CALN1: variants seen among roughly 807,000 people sequenced by gnomAD.
CALN1 encodes the protein calcium-binding protein 8.
In CALN1, 17 loss-of-function variants were observed where a neutral mutation model predicts 30.6. The observed-to-expected ratio is 0.56, with a 90% confidence interval of 0.38 to 0.83. The LOEUF is 0.83. Among genes scored for constraint, CALN1 ranks in the 40% least tolerant of loss-of-function variants. The pLI is 0.00. For synonymous variants in CALN1, 156 were observed against 131.4 expected, an observed-to-expected ratio of 1.19 and a Z score of -1.28; for missense variants, 291 against 354.9, an observed-to-expected ratio of 0.82 and a Z score of 1.45.
intron 5 of CALN1, among the ~76,000 whole-genome samples, chr7:71,982,063 T>C (rs1277973446): frequency 6.6e-6 from 1 of 152,184 alleles, no homozygotes; most frequent in African/African-American, 2.4e-5. Context: ...ACTTCTAGCT[T>C]TCTCTCTTAG....
intron 5 of CALN1, among the ~76,000 whole-genome samples, chr7:71,861,220 A>C (rs1376141034): frequency 1.3e-5 from 2 of 152,084 alleles, no homozygotes; most frequent in African/African-American, 4.8e-5. Flanking sequence ...TTATGCAAGT[A>C]TAAGCTGACC....
At chr7:72,398,841 C>CA (rs966757167) in intron 2 of CALN1, among the ~76,000 whole-genome samples, 3 of 152,106 alleles carry the variant, frequency 2.0e-5, no homozygotes, top group African/African-American at 4.8e-5. Flanking sequence ...TAAACAGAAA[C>CA]AAAAAAATTA....
chr7:71,875,094 G>A (rs1037096139), intron 5 of CALN1, among the ~76,000 whole-genome samples: 1 of 147,822 alleles, frequency 6.8e-6, no homozygotes, highest in Non-Finnish European at 1.5e-5. Context: ...GAGCCTGGGA[G>A]GCAGTGGTTG....
rs11977451 is a variant in CALN1, at chr7:71,962,171, T to C, written c.501+61486A>G. On this transcript the variant is annotated intron_variant, in intron 5 of 6. Transcript: ENST00000395275. ...ATTTTGAGAGGCCAAGGCTGGAGGATCACTTGAGGCCAGGAGTTTGAGACC... is the reference window on the plus strand; with the variant it reads ...ATTTTGAGAGGCCAAGGCTGGAGGACCACTTGAGGCCAGGAGTTTGAGACC... 2.1e-3 allele frequency among the ~76,000 whole-genome samples: 315 copies of C among 150,880 alleles called. 1 individual carries two copies. The highest frequency in any genetic ancestry group is 7.4e-3 in the African/African-American group (303 of 41,012).
chr7:72,341,340 T>A lies in CALN1; in HGVS notation c.119+61911A>T, dbSNP rs569603847. Among the ~76,000 whole-genome samples the A allele has an allele frequency of 3.5e-4, 54 of 152,146 alleles. No homozygotes were observed. In the South Asian group the frequency reaches 0.011, roughly 30 times the overall value. ...GGGTTCGACACCAGCCTGGCCAACA[T>A]GGTGAAACCACGCCTCTACTAAAAA... On this transcript the variant is annotated intron_variant, in intron 2 of 6. Transcript: ENST00000395275.
chr7:71,801,803 C>T (rs182027564), intron 6 of CALN1, among the ~76,000 whole-genome samples: 346 of 151,884 alleles, frequency 2.3e-3, no homozygotes, highest in African/African-American at 8.0e-3. Context: ...ATGGTGAAAC[C>T]CCGTCTCTAC....
At chr7:72,056,035 G>T (rs1359701238) in intron 4 of CALN1, among the ~76,000 whole-genome samples, 2 of 151,968 alleles carry the variant, frequency 1.3e-5, no homozygotes, top group Non-Finnish European at 2.9e-5. Context: ...AAAAATAAAA[G>T]ACATTTAGGA....
intron 3 of CALN1, among the ~76,000 whole-genome samples, chr7:72,235,335 G>C (rs963299082): frequency 2.0e-5 from 3 of 151,978 alleles, no homozygotes; most frequent in Non-Finnish European, 2.9e-5. Flanking sequence ...AGTTCAAGCA[G>C]ATCAATTAGA....
intron 4 of CALN1, among the ~76,000 whole-genome samples, chr7:72,102,050 T>C (rs1806707753): frequency 6.6e-6 from 1 of 152,198 alleles, no homozygotes; most frequent in Non-Finnish European, 1.5e-5. Context: ...ATTTTTAAGA[T>C]GGAGTTTCAC....
chr7:71,936,216 G>A (rs1024365504), intron 5 of CALN1, among the ~76,000 whole-genome samples: 1 of 151,946 alleles, frequency 6.6e-6, no homozygotes, highest in African/African-American at 2.4e-5. Flanking sequence ...ATAGATGAGT[G>A]GACTGGGCGC....
intron 2 of CALN1, among the ~76,000 whole-genome samples, chr7:72,287,955 T>C (rs1798206840): frequency 6.6e-6 from 1 of 152,112 alleles, no homozygotes; most frequent in African/African-American, 2.4e-5. Context: ...CACTCCAAAG[T>C]GATTGGGTTA....
chr7:72,220,753 C>T (rs201735462), intron 3 of CALN1, among the ~76,000 whole-genome samples: 5 of 151,726 alleles, frequency 3.3e-5, no homozygotes, highest in Non-Finnish European at 5.9e-5. Flanking sequence ...TGTGAGATGG[C>T]ATCTCATTGT....
intron 5 of CALN1, among the ~76,000 whole-genome samples, chr7:71,906,672 A>T (rs1324913642): frequency 6.6e-6 from 1 of 152,200 alleles, no homozygotes; most frequent in Non-Finnish European, 1.5e-5. Context: ...AAATTGGACA[A>T]CCAGATTTTA....
intron 4 of CALN1, among the ~76,000 whole-genome samples, chr7:72,074,171 C>A (rs372675801): frequency 5.3e-5 from 8 of 152,240 alleles, no homozygotes; most frequent in South Asian, 2.1e-4. Flanking sequence ...TCAAAACCAG[C>A]CTTCGGTTGA....
chr7:72,377,436 CGTGTGTGTGTGTGTGTGTGT>C (rs138060244), intron 2 of CALN1, among the ~76,000 whole-genome samples: 1 of 142,336 alleles, frequency 7.0e-6, no homozygotes, highest in African/African-American at 2.7e-5. Flanking sequence ...GCCACACTTT[CGTGTGTGTGTGTGTGTGTGT>C]GTGTGTGTGT....
At chr7:71,898,830 A>C (rs1490520002) in intron 5 of CALN1, among the ~76,000 whole-genome samples, 1 of 152,246 alleles carries the variant, frequency 6.6e-6, no homozygotes, top group South Asian at 2.1e-4. Context: ...TCATCTCAAC[A>C]ACAATGGATA....
intron 5 of CALN1, among the ~76,000 whole-genome samples, chr7:71,912,359 T>C (rs547774563): frequency 6.6e-6 from 1 of 152,270 alleles, no homozygotes; most frequent in African/African-American, 2.4e-5. Context: ...CCAAAGTTCC[T>C]GGCAACTGGA....
chr7:72,038,928 T>C (rs891927435), intron 4 of CALN1, among the ~76,000 whole-genome samples: 3 of 152,122 alleles, frequency 2.0e-5, no homozygotes, highest in Admixed American at 1.3e-4. Context: ...GCCTATGGAG[T>C]AGCCGTTCTT....
At chr7:71,993,455 CT>C (rs34736851) in intron 5 of CALN1, among the ~76,000 whole-genome samples, 378 of 133,742 alleles carry the variant, frequency 2.8e-3, no homozygotes, top group Non-Finnish European at 3.2e-3. Flanking sequence ...AACAATGAGG[CT>C]TTTTTTTTTT....
Sources: allele counts gnomAD v4.1 joint callset (sites outside exome capture counted in the v4.1 genomes callset), GRCh38; gene constraint gnomAD v4.1.1; transcripts MANE v1.5; gene names NCBI Gene and HGNC (gene_info 2026-07-23, HGNC 2026-07-21).